Variants in ATXN10 observed in about 807,000 individuals in gnomAD.
ATXN10 encodes the protein ataxin 10.
Under a neutral mutation model 52.9 loss-of-function variants are expected in ATXN10, and 28 were observed. The ratio of observed to expected loss-of-function variants is 0.53; its 90% CI spans 0.39 to 0.73. ATXN10 has a LOEUF of 0.73. Ranked by LOEUF, ATXN10 falls within the 30% of genes least tolerant of loss-of-function variation. The probability of loss-of-function intolerance (pLI) is 0.00; values close to 1 mark genes in which losing one functional copy is unlikely to be tolerated. For missense variants in ATXN10, 565 were observed against 577.0 expected (o/e 0.98, Z 0.21); for synonymous variants, 226 against 221.5 (o/e 1.02, Z -0.18).
In ATXN10 at chr22:45,837,175, T is replaced by A. The variant is rs1465864379; in HGVS notation, c.1238-5816T>A. Among the ~76,000 whole-genome samples the A allele has an allele frequency of 6.6e-6, 1 of 152,220 alleles. No homozygotes were observed. The highest frequency in any genetic ancestry group is 1.5e-5 in the Non-Finnish European group (1 of 68,022). On this transcript the variant is annotated intron_variant, in intron 10 of 11. Transcript: ENST00000252934. This position sits in a 1 kb window ranked among gnomAD's most constrained non-coding sequence, Gnocchi z 5.8. ...ATAAAGTCCATATATATCAGAACAT[T>A]ATGAAAAGTCTTTTAACACATTTAA... is the stretch of plus-strand genomic sequence containing the variant.
chr22:45,814,529 A>G (rs1357289323), intron 10 of ATXN10, among the ~76,000 whole-genome samples: 1 of 152,262 alleles, frequency 6.6e-6, no homozygotes, highest in Non-Finnish European at 1.5e-5. Flanking sequence ...GTAAATAGGA[A>G]GAATTGCTTT....
Position 45,763,265 on chromosome 22 carries a change from T to A in ATXN10, c.1173+22727T>A, listed in dbSNP as rs971588608. Reference sequence around the variant, plus strand: ...AGAGAGTGAGGTGGTGAGGTGGGCCTGGCGTGTTCAAGGCAGAGAAGGAAG... The same window carrying A: ...AGAGAGTGAGGTGGTGAGGTGGGCCAGGCGTGTTCAAGGCAGAGAAGGAAG... On this transcript the variant is annotated intron_variant, in intron 9 of 11. Transcript: ENST00000252934. This position sits in a 1 kb window ranked among gnomAD's most constrained non-coding sequence, Gnocchi z 6.9. Among the ~76,000 whole-genome samples, 1 of 152,008 alleles carries A rather than the reference T, an allele frequency of 6.6e-6. No homozygotes were observed. The highest frequency in any genetic ancestry group is 2.4e-5 in the African/African-American group (1 of 41,378).
intron 6 of ATXN10, among the ~76,000 whole-genome samples, chr22:45,724,536 T>A (rs192134229): frequency 5.9e-5 from 9 of 152,292 alleles, no homozygotes; most frequent in Admixed American, 5.9e-4. Context: ...TCTCACTGAT[T>A]TGTTTGAGTT....
chr22:45,748,295 C>A (rs1440791745), intron 9 of ATXN10, among the ~76,000 whole-genome samples: 1 of 152,176 alleles, frequency 6.6e-6, no homozygotes, highest in Admixed American at 6.5e-5. Context: ...CTAGTTCATT[C>A]CAGTGTCTCC....
chr22:45,821,401 G>A (rs999965659), intron 10 of ATXN10, among the ~76,000 whole-genome samples: 1 of 150,082 alleles, frequency 6.7e-6, no homozygotes, highest in Admixed American at 6.6e-5. Context: ...GGCATAATTA[G>A]GAAGCACCAG....
rs1927215503 is a variant in ATXN10 at position 45,783,310 on chromosome 22, C to T, written c.1174-23649C>T. On this transcript the variant is annotated intron_variant, in intron 9 of 11. Coordinates refer to ENST00000252934, the MANE Select transcript of ATXN10 (RefSeq NM_013236.4). This position sits in a 1 kb window ranked among gnomAD's most constrained non-coding sequence, Gnocchi z 5.0. ...TTTTCTCATGCTCCTCAGCATGGTG[C>T]ACAACTTAAAAAACAGGAATTGTTT... Among the ~76,000 whole-genome samples, 1 of 152,194 alleles carries T rather than the reference C, an allele frequency of 6.6e-6. No homozygotes were observed. The highest frequency in any genetic ancestry group is 1.5e-5 in the Non-Finnish European group (1 of 68,034).
Position 45,718,462 on chromosome 22 carries a change from G to A in ATXN10, c.697G>A (p.Ala233Thr), listed in dbSNP as rs147776009. 5 of 1,613,638 alleles carry A rather than the reference G, an allele frequency of 3.1e-6. No individual in the cohort carries two copies. Among genetic ancestry groups the A allele is most frequent in the East Asian group, 4.5e-5 (2 of 44,876 alleles). The change falls in exon 6 of 12, where the codon GCC becomes ACC. Residue 233 changes from alanine to threonine, a missense_variant. Physicochemically the swap from Ala to Thr is moderately conservative, Grantham distance 58. Coordinates refer to ENST00000252934, the MANE Select transcript of ATXN10 (RefSeq NM_013236.4). The surrounding 1 kb of genome is among the most constrained non-coding windows in gnomAD (Gnocchi z 4.4). ...TCTGAAAAGCCCGGAATTGGTACAA[G>A]CCATGTTTCCCAAACTGAACAATCA... ...LFLKSPELVQ[A>T]MFPKLNNQER...
rs776389265 is a variant in ATXN10 at position 45,843,702 on chromosome 22, G to T, written c.*31G>T. On this transcript the variant is annotated 3_prime_UTR_variant, in exon 12 of 12. Coordinates refer to ENST00000252934, the MANE Select transcript of ATXN10 (RefSeq NM_013236.4). This position sits in a 1 kb window ranked among gnomAD's most constrained non-coding sequence, Gnocchi z 4.5. The stretch of plus-strand genomic sequence containing the variant: ...CTACATCCAAATACCTGAATTTTTG[G>T]AATCTGTTTCATGGATTTTTCATCT... The T allele has an allele frequency of 1.2e-6, 2 of 1,606,290 alleles. No individual in the cohort carries two copies. Among genetic ancestry groups the T allele is most frequent in the Non-Finnish European group, 1.7e-6 (2 of 1,174,046 alleles).
intron 5 of ATXN10, among the ~76,000 whole-genome samples, chr22:45,711,041 C>A (rs1327945510): frequency 6.6e-6 from 1 of 152,090 alleles, no homozygotes; most frequent in East Asian, 1.9e-4. Flanking sequence ...GCAATCTATT[C>A]CTGAAAATCA....
rs922329870 is a variant in ATXN10 at position 45,816,617 on chromosome 22, C to T, written c.1237+9595C>T. On this transcript the variant is annotated intron_variant, in intron 10 of 11. Transcript: ENST00000252934. This position sits in a 1 kb window ranked among gnomAD's most constrained non-coding sequence, Gnocchi z 5.8. The stretch of plus-strand genomic sequence containing the variant: ...CTGAGTGCATTCCCAACATTGGACC[C>T]TGTGAACCCAGGGGACTGTTTCCAA... 2.0e-5 allele frequency among the ~76,000 whole-genome samples: 3 copies of T among 152,226 alleles called. No individual in the cohort carries two copies. Among genetic ancestry groups the T allele is most frequent in the Admixed American group, 1.3e-4 (2 of 15,284 alleles).
Position 45,684,596 on chromosome 22 carries a change from G to A in ATXN10, c.117-5116G>A, listed in dbSNP as rs1164756064. Among the ~76,000 whole-genome samples the A allele has an allele frequency of 3.9e-5, 6 of 152,300 alleles. No homozygotes were observed. The East Asian group carries it at 9.7e-4, about 25-fold the overall frequency. ...ATGTTCACTTGTTTAGGTGTTTCCT[G>A]TGGCTGCGTTTGTGCACTGGGGGAG... On this transcript the variant is annotated intron_variant, in intron 1 of 11. Coordinates refer to ENST00000252934, the MANE Select transcript of ATXN10 (RefSeq NM_013236.4). This position sits in a 1 kb window ranked among gnomAD's most constrained non-coding sequence, Gnocchi z 4.1.
intron 9 of ATXN10, among the ~76,000 whole-genome samples, chr22:45,791,960 G>C (rs1369398455): frequency 6.6e-6 from 1 of 151,962 alleles, no homozygotes; most frequent in African/African-American, 2.4e-5. Flanking sequence ...AAAAATTTTT[G>C]TTCTTTTAAT....
At chr22:45,811,329 T>A (rs1280063528) in intron 10 of ATXN10, among the ~76,000 whole-genome samples, 1 of 152,210 alleles carries the variant, frequency 6.6e-6, no homozygotes, top group Non-Finnish European at 1.5e-5. Flanking sequence ...ATTTACATGG[T>A]ACAATTTTAT....
At chr22:45,767,771 T>C (rs1224985413) in intron 9 of ATXN10, among the ~76,000 whole-genome samples, 2 of 152,176 alleles carry the variant, frequency 1.3e-5, no homozygotes. Context: ...TTTGAACTGA[T>C]TTTAAAACAT....
chr22:45,690,691 C>T lies in ATXN10; in HGVS notation c.308+788C>T, dbSNP rs112068688. Among the ~76,000 whole-genome samples, 180 of 152,346 alleles carry T rather than the reference C, an allele frequency of 1.2e-3. No homozygotes were observed. Among genetic ancestry groups the T allele is most frequent in the African/African-American group, 4.3e-3 (179 of 41,582 alleles). ...AGATCATGTAAAGTTCCAAGCTCTG[C>T]TTCCACCTATTTTATGATGCGCACA... On this transcript the variant is annotated intron_variant, in intron 2 of 11. Coordinates refer to ENST00000252934, the MANE Select transcript of ATXN10 (RefSeq NM_013236.4). This position sits in a 1 kb window ranked among gnomAD's most constrained non-coding sequence, Gnocchi z 4.5.
chr22:45,746,637 T>G (rs985818270), intron 9 of ATXN10, among the ~76,000 whole-genome samples: 1 of 152,024 alleles, frequency 6.6e-6, no homozygotes, highest in Admixed American at 6.6e-5. Context: ...ATTCTCAGCC[T>G]ATACTAGCAC....
In ATXN10 at chr22:45,681,747, C is replaced by T. The variant is rs1328924580; in HGVS notation, c.117-7965C>T. Among the ~76,000 whole-genome samples, 1 of 152,182 alleles carries T rather than the reference C, an allele frequency of 6.6e-6. No homozygotes were observed. Among genetic ancestry groups the T allele is most frequent in the Admixed American group, 6.5e-5 (1 of 15,282 alleles). ...TAACTAACGTGGCCCTTAATGCTAC[C>T]TGTCAGTCCCGCTGTTTGCCCTGGT... is the stretch of plus-strand genomic sequence containing the variant. On this transcript the variant is annotated intron_variant, in intron 1 of 11. Coordinates refer to ENST00000252934, the MANE Select transcript of ATXN10 (RefSeq NM_013236.4). This position sits in a 1 kb window ranked among gnomAD's most constrained non-coding sequence, Gnocchi z 4.2.
chr22:45,810,674 T>C (rs1195824860), intron 10 of ATXN10, among the ~76,000 whole-genome samples: 3 of 152,274 alleles, frequency 2.0e-5, no homozygotes, highest in African/African-American at 4.8e-5. Context: ...TACTCTTTTC[T>C]GTGTACTTCT....
chr22:45,715,983 A>G lies in ATXN10; in HGVS notation c.648-2430A>G, dbSNP rs1038677338. Reference sequence around the variant, plus strand: ...TTGTGGGATAAAGCAAAAGCAGCCAAGTGTGGTGGCTCATGCCTGTAATCC... The same window carrying G: ...TTGTGGGATAAAGCAAAAGCAGCCAGGTGTGGTGGCTCATGCCTGTAATCC... On this transcript the variant is annotated intron_variant, in intron 5 of 11. Coordinates refer to ENST00000252934, the MANE Select transcript of ATXN10 (RefSeq NM_013236.4). The surrounding 1 kb of genome is among the most constrained non-coding windows in gnomAD (Gnocchi z 4.4). Among the ~76,000 whole-genome samples, 1 of 152,134 alleles carries G rather than the reference A, an allele frequency of 6.6e-6. No homozygotes were observed. Among genetic ancestry groups the G allele is most frequent in the Non-Finnish European group, 1.5e-5 (1 of 67,998 alleles).
Sources: gnomAD v4.1 joint callset for allele counts (sites outside exome capture counted in the v4.1 genomes callset) on GRCh38, gnomAD v4.1.1 for gene constraint, Gnocchi (gnomAD v3.1) non-coding constraint, MANE v1.5 for transcripts, NCBI Gene and HGNC (gene_info 2026-07-23, HGNC 2026-07-21) for gene names.